Variants in TASP1 observed in about 807,000 individuals in gnomAD.
TASP1 encodes threonine aspartase 1.
A neutral mutation model predicts 56.6 loss-of-function variants in TASP1; 16 were observed. The observed-to-expected ratio is 0.28, with a 90% CI of 0.19 to 0.43. TASP1 has a LOEUF of 0.43. TASP1 is among the 20% of genes least tolerant of loss of function. TASP1 has a pLI of 1.00. For missense variants in TASP1, 393 were observed against 511.6 expected (o/e 0.77, Z 2.24); for synonymous variants, 179 against 184.2 (o/e 0.97, Z 0.23).
intron 11 of TASP1, among the ~76,000 whole-genome samples, chr20:13,467,455 T>C (rs1209224690): frequency 6.6e-6 from 1 of 152,136 alleles, no homozygotes; most frequent in Non-Finnish European, 1.5e-5. Flanking sequence ...CAAATTATTT[T>C]GTTTAAAGTG....
the TASP1 span, among the ~76,000 whole-genome samples, chr20:13,276,765 A>G: frequency 6.6e-6 from 1 of 152,212 alleles, no homozygotes; most frequent in East Asian, 1.9e-4. Flanking sequence ...AAAAGCATGT[A>G]AATAGAATGA....
chr20:13,597,745 C>T (rs1259313347), intron 4 of TASP1, among the ~76,000 whole-genome samples: 8 of 152,068 alleles, frequency 5.3e-5, no homozygotes, highest in Non-Finnish European at 8.8e-5. Context: ...TCAAATTGTC[C>T]CTGTTTGCAG....
chr20:13,354,333 G>A, the TASP1 span, among the ~76,000 whole-genome samples: 1 of 152,096 alleles, frequency 6.6e-6, no homozygotes, highest in Admixed American at 6.5e-5. Context: ...ATGTCTTGAG[G>A]TCAAAACAGT....
chr20:13,629,332 C>A (rs1455363732), intron 2 of TASP1, among the ~76,000 whole-genome samples: 1 of 147,518 alleles, frequency 6.8e-6, no homozygotes, highest in African/African-American at 2.5e-5. Flanking sequence ...CCATTGCATT[C>A]CAACCTGGGC....
At chr20:13,517,823 A>G (rs1310564710) in intron 10 of TASP1, among the ~76,000 whole-genome samples, 1 of 152,168 alleles carries the variant, frequency 6.6e-6, no homozygotes, top group Admixed American at 6.6e-5. Flanking sequence ...CAATATATTA[A>G]AAGTTAATCA....
chr20:13,631,251 C>T (rs960510798), intron 1 of TASP1, among the ~76,000 whole-genome samples: 2 of 152,050 alleles, frequency 1.3e-5, no homozygotes, highest in Admixed American at 6.5e-5. Flanking sequence ...CACATCGTTG[C>T]ATTCAAATAT....
chr20:13,590,527 G>A (rs6042229), intron 4 of TASP1, among the ~76,000 whole-genome samples: 2 of 152,070 alleles, frequency 1.3e-5, no homozygotes, highest in African/African-American at 4.8e-5. Flanking sequence ...TATATGTTCA[G>A]GTAGGTATAT....
chr20:13,147,673 G>T, the TASP1 span, among the ~76,000 whole-genome samples: 1 of 152,136 alleles, frequency 6.6e-6, no homozygotes, highest in Admixed American at 6.5e-5. Context: ...TCAACTTCTT[G>T]AGATGTGAGA....
chr20:13,127,452 T>G, the TASP1 span, among the ~76,000 whole-genome samples: 3 of 152,214 alleles, frequency 2.0e-5, no homozygotes, highest in African/African-American at 4.8e-5. Flanking sequence ...GTACAATCTA[T>G]GTGCCTCACC....
the TASP1 span, among the ~76,000 whole-genome samples, chr20:13,155,013 T>C: frequency 6.6e-6 from 1 of 151,982 alleles, no homozygotes; most frequent in Non-Finnish European, 1.5e-5. Flanking sequence ...AGACCCTGTC[T>C]CTACTAAAAA....
At chr20:13,446,241 T>C (rs113047340) in intron 11 of TASP1, among the ~76,000 whole-genome samples, 5,679 of 152,078 alleles carry the variant, frequency 0.037, 131 homozygotes, top group African/African-American at 0.058. Flanking sequence ...ATGTTTCCAG[T>C]GTAGTAAAGA....
At chr20:13,533,469 T>C (rs1436038607) in intron 9 of TASP1, among the ~76,000 whole-genome samples, 1 of 152,082 alleles carries the variant, frequency 6.6e-6, no homozygotes. Context: ...CAAGCAAATT[T>C]TACATAAATT....
At chr20:13,420,450 C>A (rs2042396552) in intron 12 of TASP1, among the ~76,000 whole-genome samples, 1 of 152,140 alleles carries the variant, frequency 6.6e-6, no homozygotes, top group Admixed American at 6.5e-5. Flanking sequence ...TTTATCCCAT[C>A]CCACAGTAAA....
the TASP1 span, among the ~76,000 whole-genome samples, chr20:13,324,847 T>C: frequency 7.9e-5 from 12 of 152,322 alleles, no homozygotes; most frequent in African/African-American, 2.9e-4. Flanking sequence ...AGTTTAAGTT[T>C]CTTATTTTCT....
At chr20:13,172,826 T>C in the TASP1 span, among the ~76,000 whole-genome samples, 5 of 152,250 alleles carry the variant, frequency 3.3e-5, no homozygotes, top group South Asian at 2.1e-4. Context: ...AAGAAAGACA[T>C]AGTATCCAGG....
chr20:13,576,395 A>AAGTC (rs1347831632), intron 6 of TASP1, among the ~76,000 whole-genome samples: 30 of 142,422 alleles, frequency 2.1e-4, no homozygotes, highest in South Asian at 4.4e-4. Flanking sequence ...GAAAGAAAGA[A>AAGTC]AGTCAGTCTT....
chr20:13,292,321 G>A, the TASP1 span: 2 of 1,068,320 alleles, frequency 1.9e-6, no homozygotes, highest in East Asian at 2.5e-5. Flanking sequence ...TGGGGTGGGG[G>A]AGATAACTTT....
chr20:13,444,205 T>G (rs2146253393), intron 11 of TASP1, among the ~76,000 whole-genome samples: 1 of 152,270 alleles, frequency 6.6e-6, no homozygotes, highest in African/African-American at 2.4e-5. Flanking sequence ...ACATCAGAGT[T>G]CCTTTTGCAA....
the TASP1 span, among the ~76,000 whole-genome samples, chr20:13,139,872 G>A: frequency 6.6e-6 from 1 of 152,156 alleles, no homozygotes; most frequent in Non-Finnish European, 1.5e-5. Flanking sequence ...AAAGTCTAAA[G>A]GACTGAATAT....
Sources: allele counts gnomAD v4.1 joint callset (sites outside exome capture counted in the v4.1 genomes callset), GRCh38; gene constraint gnomAD v4.1.1; transcripts MANE v1.5; gene names NCBI Gene and HGNC (gene_info 2026-07-23, HGNC 2026-07-21).